The following TMEM132D variants were observed in gnomAD, a reference collection of about 807,000 sequenced individuals.
TMEM132D encodes mature OL transmembrane protein.
In TMEM132D, 21 loss-of-function variants were observed where a neutral mutation model predicts 62.3. That is an observed-to-expected ratio of 0.34 (90% CI 0.24 to 0.49). TMEM132D has a LOEUF of 0.49. Among genes scored for constraint, TMEM132D ranks in the 20% least tolerant of loss-of-function variants. The pLI, the probability that TMEM132D is intolerant of heterozygous loss-of-function variation, is 0.99. For synonymous variants in TMEM132D, 621 were observed against 575.6 expected (o/e 1.08, Z -1.13); for missense variants, 1,346 against 1,402.8 (o/e 0.96, Z 0.65).
At chr12:129,875,943 T>C (rs895890420) in intron 1 of TMEM132D, among the ~76,000 whole-genome samples, 4 of 152,194 alleles carry the variant, frequency 2.6e-5, no homozygotes, top group African/African-American at 4.8e-5. Flanking sequence ...AGATTTCCAA[T>C]TTAATCAACA....
chr12:129,694,566 G>C (rs1881149941), intron 2 of TMEM132D, among the ~76,000 whole-genome samples: 1 of 152,194 alleles, frequency 6.6e-6, no homozygotes, highest in Admixed American at 6.5e-5. Context: ...CTGAGTCTTG[G>C]CCAATCCCAG....
At chr12:129,707,616 G>A (rs1881537900) in intron 1 of TMEM132D, among the ~76,000 whole-genome samples, 1 of 152,288 alleles carries the variant, frequency 6.6e-6, no homozygotes, top group East Asian at 1.9e-4. Context: ...TAAAGTTCTT[G>A]TATTTGAAAC....
chr12:129,197,398 ACT>A (rs1878579741), intron 5 of TMEM132D, among the ~76,000 whole-genome samples: 1 of 152,152 alleles, frequency 6.6e-6, no homozygotes, highest in African/African-American at 2.4e-5. Flanking sequence ...ATGCATCAGA[ACT>A]CTCTGTGTCT....
intron 4 of TMEM132D, among the ~76,000 whole-genome samples, chr12:129,223,138 G>A (rs550353964): frequency 6.6e-6 from 1 of 152,192 alleles, no homozygotes; most frequent in Admixed American, 6.5e-5. Context: ...CTGCCATGTG[G>A]AAGTGGAGTC....
intron 2 of TMEM132D, among the ~76,000 whole-genome samples, chr12:129,581,199 G>T (rs146271215): frequency 3.1e-3 from 466 of 152,260 alleles, no homozygotes; most frequent in Middle Eastern, 0.017. Context: ...TCTCTGCACA[G>T]CCAGCTCTCC....
intron 4 of TMEM132D, among the ~76,000 whole-genome samples, chr12:129,247,061 T>C (rs1462084463): frequency 6.6e-6 from 1 of 152,206 alleles, no homozygotes; most frequent in Non-Finnish European, 1.5e-5. Context: ...TCCTCCTTAA[T>C]CAAAAAGATG....
intron 4 of TMEM132D, among the ~76,000 whole-genome samples, chr12:129,276,957 G>A (rs527639362): frequency 1.3e-5 from 2 of 152,304 alleles, no homozygotes; most frequent in African/African-American, 2.4e-5. Context: ...GGTGCCCTTC[G>A]TGACTGGCTG....
At chr12:129,785,443 A>T (rs1871224958) in intron 1 of TMEM132D, among the ~76,000 whole-genome samples, 1 of 152,228 alleles carries the variant, frequency 6.6e-6, no homozygotes, top group African/African-American at 2.4e-5. Context: ...GGATTAAGAT[A>T]CCCTGAGGAT....
chr12:129,328,228 T>C (rs968143199), intron 4 of TMEM132D, among the ~76,000 whole-genome samples: 1 of 152,266 alleles, frequency 6.6e-6, no homozygotes, highest in African/African-American at 2.4e-5. Context: ...TGAAATTATC[T>C]TGCTCAATTA....
intron 3 of TMEM132D, among the ~76,000 whole-genome samples, chr12:129,510,371 G>T (rs1875462894): frequency 6.6e-6 from 1 of 151,938 alleles, no homozygotes; most frequent in Non-Finnish European, 1.5e-5. Flanking sequence ...TTAATGCTTT[G>T]TCAGATGGGT....
chr12:129,758,706 T>C (rs976571370), intron 1 of TMEM132D, among the ~76,000 whole-genome samples: 1 of 152,168 alleles, frequency 6.6e-6, no homozygotes, highest in Admixed American at 6.5e-5. Context: ...CCAACCTAAA[T>C]ATTTTCTAAA....
At chr12:129,333,492 G>T (rs1375510962) in intron 4 of TMEM132D, among the ~76,000 whole-genome samples, 1 of 152,206 alleles carries the variant, frequency 6.6e-6, no homozygotes, top group Non-Finnish European at 1.5e-5. Context: ...TGGGACTAAA[G>T]CTAGGATGCA....
chr12:129,794,228 A>T (rs1165506739), intron 1 of TMEM132D, among the ~76,000 whole-genome samples: 1 of 150,254 alleles, frequency 6.7e-6, no homozygotes, highest in Non-Finnish European at 1.5e-5. Context: ...AGCTGAGATC[A>T]CAGGCGTGCA....
chr12:129,088,727 CGGGTGTCCTCCATGACCG>C (rs1446223544), intron 5 of TMEM132D, among the ~76,000 whole-genome samples: 4 of 36,970 alleles, frequency 1.1e-4, no homozygotes, highest in African/African-American at 2.2e-4. Flanking sequence ...CCTCCCTGAC[CGGGTGTCCTCCATGACCG>C]GGGTGTCCTC....
At chr12:129,232,116 T>C (rs73420153) in intron 4 of TMEM132D, among the ~76,000 whole-genome samples, 5,562 of 152,294 alleles carry the variant, frequency 0.037, 188 homozygotes, top group African/African-American at 0.085. Flanking sequence ...TCTGAATTCA[T>C]TGTCATGGGT....
intron 5 of TMEM132D, among the ~76,000 whole-genome samples, chr12:129,150,383 A>T (rs988920073): frequency 1.3e-5 from 2 of 152,244 alleles, no homozygotes; most frequent in African/African-American, 2.4e-5. Context: ...CATTTTGCAT[A>T]GTGCTTTACA....
intron 3 of TMEM132D, among the ~76,000 whole-genome samples, chr12:129,352,152 A>G (rs1869887821): frequency 6.6e-6 from 1 of 152,170 alleles, no homozygotes; most frequent in Non-Finnish European, 1.5e-5. Flanking sequence ...CAAGATGTTT[A>G]TGGGTAAGGG....
intron 5 of TMEM132D, among the ~76,000 whole-genome samples, chr12:129,188,263 C>T (rs1216038209): frequency 6.6e-6 from 1 of 152,176 alleles, no homozygotes; most frequent in Non-Finnish European, 1.5e-5. Context: ...TAGCAGGTCC[C>T]AGCTGGCCTC....
At chr12:129,251,202 C>CA (rs1439749033) in intron 4 of TMEM132D, among the ~76,000 whole-genome samples, 2 of 151,608 alleles carry the variant, frequency 1.3e-5, no homozygotes, top group Non-Finnish European at 2.9e-5. Flanking sequence ...TACTAAAATA[C>CA]AAAAAAATTA....
Sources: gnomAD v4.1 joint callset for allele counts (sites outside exome capture counted in the v4.1 genomes callset) on GRCh38, gnomAD v4.1.1 for gene constraint, MANE v1.5 for transcripts, NCBI Gene and HGNC (gene_info 2026-07-23, HGNC 2026-07-21) for gene names.